The following AGFG1 variants were observed in gnomAD, a reference collection of about 807,000 sequenced individuals.
The protein encoded by AGFG1 is ArfGAP with FG repeats 1, also known as arf-GAP domain and FG repeat-containing protein 1.
A neutral mutation model predicts 60.6 loss-of-function variants in AGFG1; 10 were observed. The ratio of observed to expected loss-of-function variants is 0.16; its 90% CI spans 0.10 to 0.28. AGFG1 has a LOEUF of 0.28. Ranked by LOEUF, AGFG1 falls within the 10% of genes least tolerant of loss-of-function variation. The probability of loss-of-function intolerance (pLI) is 1.00; values close to 1 mark genes in which losing one functional copy is unlikely to be tolerated. For missense variants in AGFG1, 537 were observed against 676.5 expected (o/e 0.79, Z 2.29); for synonymous variants, 247 against 242.9 (o/e 1.02, Z -0.16).
At chr2:227,472,778 C>T (rs1383595131) in intron 1 of AGFG1, among the ~76,000 whole-genome samples, 190 bp downstream of exon 1, 1 of 151,388 alleles carries the variant, frequency 6.6e-6, no homozygotes, top group Non-Finnish European at 1.5e-5. Flanking sequence ...GCCCGGGCAG[C>T]CGGGCTGGGG....
chr2:227,494,970 A>G (rs1266769519), intron 2 of AGFG1, among the ~76,000 whole-genome samples: 3 of 152,218 alleles, frequency 2.0e-5, no homozygotes, highest in Admixed American at 6.5e-5. Context: ...ATAGATATGC[A>G]TAGAGACCAT....
At chr2:227,495,284 C>G (rs912031369) in intron 2 of AGFG1, among the ~76,000 whole-genome samples, 11 of 152,002 alleles carry the variant, frequency 7.2e-5, no homozygotes, top group Non-Finnish European at 1.0e-4. Context: ...CACTGTAGCT[C>G]CCCTGTAATC....
chr2:227,484,173 A>G (rs1336196922), intron 1 of AGFG1, among the ~76,000 whole-genome samples: 1 of 152,132 alleles, frequency 6.6e-6, no homozygotes, highest in Non-Finnish European at 1.5e-5. Context: ...AAAAATACAA[A>G]GTAGTTTCAT....
rs987614700 is a variant in AGFG1, at chr2:227,537,088, T to C, written c.1378+95T>C. The C allele has an allele frequency of 1.2e-5, 12 of 1,019,564 alleles. No homozygotes were observed. The South Asian group carries it at 1.2e-4, about 10-fold the overall frequency. 63.2% of individuals were successfully genotyped at this position (1,019,564 alleles called of 1,614,324 possible). ...AACACCAGAAAATGGGGCCTCTTTCTTAGTGAAGTGAATGGCAATGGATAG... is the reference window on the plus strand; with the variant it reads ...AACACCAGAAAATGGGGCCTCTTTCCTAGTGAAGTGAATGGCAATGGATAG... On this transcript the variant is annotated intron_variant, in intron 10 of 12. Transcript: ENST00000310078.
At chr2:227,518,265 T>TATAA (rs1209561749) in intron 2 of AGFG1, among the ~76,000 whole-genome samples, 1 of 152,226 alleles carries the variant, frequency 6.6e-6, no homozygotes, top group East Asian at 1.9e-4. Flanking sequence ...CAAATATTTA[T>TATAA]GTACAGTCTG....
chr2:227,518,071 TG>T (rs923226646), intron 2 of AGFG1, among the ~76,000 whole-genome samples: 17 of 152,056 alleles, frequency 1.1e-4, no homozygotes, highest in African/African-American at 3.6e-4. Flanking sequence ...TACGTTTTGG[TG>T]GGGGGGTGCA....
intron 10 of AGFG1, among the ~76,000 whole-genome samples, chr2:227,551,543 T>C (rs1185365147): frequency 6.6e-6 from 1 of 152,192 alleles, no homozygotes; most frequent in Non-Finnish European, 1.5e-5. Flanking sequence ...TATTATGTTA[T>C]GACAGATACT....
intron 2 of AGFG1, among the ~76,000 whole-genome samples, chr2:227,517,222 T>G (rs950395953): frequency 3.3e-5 from 5 of 152,210 alleles, no homozygotes; most frequent in African/African-American, 1.2e-4. Context: ...TAAATGACTT[T>G]ATAGTATCTG....
At position 227,557,151 on chromosome 2, in the gene AGFG1, G is replaced by T. The variant is rs1245173841; in HGVS notation, c.*2656G>T. The stretch of plus-strand genomic sequence containing the variant: ...TCAAATTTCCTGGCTTACTGGTTTA[G>T]TCACATCATTTTTCCTGTTCAGGTA... On this transcript the variant is annotated 3_prime_UTR_variant, in exon 13 of 13. Coordinates refer to ENST00000310078, the MANE Select transcript of AGFG1 (RefSeq NM_004504.5). 1 of 152,144 alleles carries T rather than the reference G, an allele frequency of 6.6e-6. No homozygotes were observed. The highest frequency in any genetic ancestry group is 2.4e-5 in the African/African-American group (1 of 41,432). 9.4% of individuals were successfully genotyped at this position (152,144 alleles called of 1,614,324 possible).
chr2:227,535,080 T>C, intron 8 of AGFG1, 55 bp downstream of exon 8: 14 of 1,397,038 alleles, frequency 1.0e-5, no homozygotes, highest in Non-Finnish European at 1.3e-5. Flanking sequence ...TTTTCCAACT[T>C]TGAATAATCA....
In AGFG1 at chr2:227,552,017, C is replaced by T. The variant is rs1489079604; in HGVS notation, c.1437C>T (p.Pro479=). ...SMPTGFGTPA[P]YSLPTSFSGS... ...CCACAGGATTCGGCACTCCTGCTCCCTACAGTCTTCCCACCAGCTTTAGTG... is the reference window on the plus strand; with the variant it reads ...CCACAGGATTCGGCACTCCTGCTCCTTACAGTCTTCCCACCAGCTTTAGTG... Residue 479 remains proline, a synonymous_variant, in exon 11 of 13, where the codon CCC becomes CCT. Transcript: ENST00000310078. 3 of 1,614,048 alleles carry T rather than the reference C, an allele frequency of 1.9e-6. No homozygotes were observed. The African/African-American group carries it at 4.0e-5, about 22-fold the overall frequency.
intron 2 of AGFG1, among the ~76,000 whole-genome samples, chr2:227,517,292 A>C (rs1691681830): frequency 6.6e-6 from 1 of 152,172 alleles, no homozygotes. Flanking sequence ...ACAGACACGG[A>C]GTCTCACTCT....
At chr2:227,476,688 T>C (rs1268405671) in intron 1 of AGFG1, among the ~76,000 whole-genome samples, 2 of 152,216 alleles carry the variant, frequency 1.3e-5, no homozygotes, top group Non-Finnish European at 2.9e-5. Context: ...AAGAGGTATT[T>C]AATGTTTTTA....
intron 10 of AGFG1, among the ~76,000 whole-genome samples, chr2:227,548,675 C>T (rs147907775): frequency 1.1e-3 from 173 of 152,300 alleles, no homozygotes; most frequent in Middle Eastern, 3.4e-3. Context: ...CAGTGGCTCA[C>T]GCCTGTAATC....
At chr2:227,514,123 C>G (rs1008479913) in intron 2 of AGFG1, among the ~76,000 whole-genome samples, 21 of 152,152 alleles carry the variant, frequency 1.4e-4, no homozygotes, top group African/African-American at 4.8e-4. Context: ...GTAAGACCAC[C>G]CTTCCCAGTC....
At chr2:227,547,265 C>G (rs1216771048) in intron 10 of AGFG1, among the ~76,000 whole-genome samples, 2 of 152,028 alleles carry the variant, frequency 1.3e-5, no homozygotes, top group African/African-American at 4.8e-5. Context: ...AAGAAAAAAC[C>G]CTAAGTAGAA....
At chr2:227,520,700 G>C (rs1318906560) in intron 3 of AGFG1, among the ~76,000 whole-genome samples, 1 of 152,172 alleles carries the variant, frequency 6.6e-6, no homozygotes, top group African/African-American at 2.4e-5. Flanking sequence ...CTAGTGTTCA[G>C]CTACTGAGGG....
intron 2 of AGFG1, among the ~76,000 whole-genome samples, chr2:227,493,969 G>C (rs749895646): frequency 6.6e-6 from 1 of 152,192 alleles, no homozygotes; most frequent in Non-Finnish European, 1.5e-5. Context: ...AGTCACTGAA[G>C]ATGGAGCAAA....
intron 8 of AGFG1, 66 bp downstream of exon 8, chr2:227,535,091 A>G (rs1001621615): frequency 1.5e-6 from 2 of 1,367,840 alleles, no homozygotes; most frequent in Non-Finnish European, 1.9e-6. Flanking sequence ...TGAATAATCA[A>G]TTAAAAAATG....
Sources: gnomAD v4.1 joint callset for allele counts (sites outside exome capture counted in the v4.1 genomes callset) on GRCh38, gnomAD v4.1.1 for gene constraint, MANE v1.5 for transcripts, NCBI Gene and HGNC (gene_info 2026-07-23, HGNC 2026-07-21) for gene names.